PARD3: variants seen among roughly 807,000 people sequenced by gnomAD.
PARD3 encodes par-3 family cell polarity regulator.
In PARD3, 75 loss-of-function variants were observed where a neutral mutation model predicts 155.4. The ratio of observed to expected loss-of-function variants is 0.48; its 90% confidence interval spans 0.40 to 0.58. The LOEUF is 0.58. Ranked by LOEUF, PARD3 falls within the 20% of genes least tolerant of loss-of-function variation. PARD3 has a pLI of 0.00. For synonymous variants in PARD3, 576 were observed against 610.5 expected (o/e 0.94, Z 0.83); for missense variants, 1,642 against 1,721.7 (o/e 0.95, Z 0.82).
intron 20 of PARD3, among the ~76,000 whole-genome samples, chr10:34,312,094 G>A (rs1957730062): frequency 1.3e-5 from 2 of 151,968 alleles, no homozygotes; most frequent in African/African-American, 4.8e-5. Flanking sequence ...ATGAAAAGGG[G>A]CCAATAAAGA....
chr10:34,586,020 C>A (rs761421982), intron 2 of PARD3, among the ~76,000 whole-genome samples: 6 of 151,762 alleles, frequency 4.0e-5, no homozygotes, highest in Non-Finnish European at 8.8e-5. Context: ...AGATTTTTAT[C>A]AGTAATTTAA....
intron 3 of PARD3, among the ~76,000 whole-genome samples, chr10:34,511,733 CT>C (rs1418290639): frequency 3.3e-5 from 5 of 152,060 alleles, no homozygotes; most frequent in African/African-American, 9.7e-5. Flanking sequence ...GAATAGATTT[CT>C]TTTTTTCTTT....
chr10:34,544,484 G>T (rs2083888278), intron 2 of PARD3, among the ~76,000 whole-genome samples: 1 of 151,288 alleles, frequency 6.6e-6, no homozygotes, highest in African/African-American at 2.4e-5. Context: ...AAAAAGAAAG[G>T]GTTACATAAT....
At chr10:34,170,689 T>G (rs1949745617) in intron 22 of PARD3, among the ~76,000 whole-genome samples, 1 of 152,154 alleles carries the variant, frequency 6.6e-6, no homozygotes, top group African/African-American at 2.4e-5. Context: ...AAAGCCATCT[T>G]TCTAGATAAA....
At chr10:34,309,939 G>A (rs1957618388) in intron 20 of PARD3, among the ~76,000 whole-genome samples, 1 of 147,860 alleles carries the variant, frequency 6.8e-6, no homozygotes, top group Non-Finnish European at 1.5e-5. Flanking sequence ...GTTAATAGGA[G>A]ACCTGGTTAT....
intron 1 of PARD3, among the ~76,000 whole-genome samples, chr10:34,779,148 T>TA (rs1839941950): frequency 6.6e-6 from 1 of 150,930 alleles, no homozygotes; most frequent in Non-Finnish European, 1.5e-5. Context: ...CTGTCTCTAC[T>TA]AAAAATACAA....
chr10:34,308,667 T>C (rs1467322655), intron 20 of PARD3, among the ~76,000 whole-genome samples: 1 of 151,320 alleles, frequency 6.6e-6, no homozygotes, highest in East Asian at 1.9e-4. Flanking sequence ...TCCAAGTGAA[T>C]GTGTCAAGAA....
intron 22 of PARD3, among the ~76,000 whole-genome samples, chr10:34,145,221 A>ATATATTTTTTTT (rs1491430560): frequency 2.9e-5 from 1 of 33,970 alleles, no homozygotes; most frequent in African/African-American, 1.4e-4. Flanking sequence ...ATATATATAT[A>ATATATTTTTTTT]TTTTTTTTTT....
rs778876860 is a variant in PARD3, at chr10:34,131,508, T to C, written c.3495A>G (p.Glu1165=). Residue 1165 remains glutamate, a synonymous_variant, in exon 23 of 25, where the codon GAA becomes GAG. Coordinates refer to ENST00000374788, the MANE Select transcript of PARD3 (RefSeq NM_001184785.2). ...RQEFQQAKQD[E]DVEDRRRTYS... ...AGGTCCGCCGACGATCTTCTACATCTTCATCTTGCTTTGCTTGCTGAAATT... is the reference window on the plus strand; with the variant it reads ...AGGTCCGCCGACGATCTTCTACATCCTCATCTTGCTTTGCTTGCTGAAATT... 6.2e-7 allele frequency: 1 copy of C among 1,614,108 alleles called. No individual in the cohort carries two copies. The highest frequency in any genetic ancestry group is 8.5e-7 in the Non-Finnish European group (1 of 1,179,966).
chr10:34,401,726 A>C (rs1843902477), intron 6 of PARD3, 100 bp downstream of exon 6: 1 of 817,916 alleles, frequency 1.2e-6, no homozygotes, highest in East Asian at 2.4e-5. Context: ...TTTTTAACTA[A>C]GCACAAACAT....
At chr10:34,751,415 C>T (rs950735597) in intron 1 of PARD3, among the ~76,000 whole-genome samples, 3 of 152,100 alleles carry the variant, frequency 2.0e-5, no homozygotes, top group Non-Finnish European at 4.4e-5. Flanking sequence ...TCTGGGAAGG[C>T]CTCTAAGATT....
intron 3 of PARD3, among the ~76,000 whole-genome samples, chr10:34,509,190 T>G (rs776490357): frequency 1.7e-4 from 26 of 152,166 alleles, no homozygotes; most frequent in Non-Finnish European, 1.9e-4. Context: ...CCAACAGTTA[T>G]GTAGAATATC....
chr10:34,435,476 GA>G (rs1241181874), intron 5 of PARD3, among the ~76,000 whole-genome samples: 1 of 152,162 alleles, frequency 6.6e-6, no homozygotes, highest in Non-Finnish European at 1.5e-5. Flanking sequence ...AAGATAATGA[GA>G]ATACAAATTG....
At chr10:34,718,648 GACTCT>G (rs771273535) in intron 1 of PARD3, among the ~76,000 whole-genome samples, 8 of 150,550 alleles carry the variant, frequency 5.3e-5, no homozygotes, top group Admixed American at 3.3e-4. Context: ...AACACGACAA[GACTCT>G]ACTCTATCTC....
At chr10:34,697,730 A>G (rs1242135443) in intron 1 of PARD3, among the ~76,000 whole-genome samples, 1 of 151,378 alleles carries the variant, frequency 6.6e-6, no homozygotes, top group Non-Finnish European at 1.5e-5. Flanking sequence ...GAAAGGAATC[A>G]TTTATCTAGA....
chr10:34,750,147 G>A (rs1835811298), intron 1 of PARD3, among the ~76,000 whole-genome samples: 1 of 151,660 alleles, frequency 6.6e-6, no homozygotes, highest in African/African-American at 2.4e-5. Flanking sequence ...GGCAAAATGA[G>A]TCAAAGTCAT....
rs377290036 is a variant in PARD3 at position 34,317,304 on chromosome 10, C to T, written c.2868G>A (p.Gly956=). The change falls in exon 20 of 25, where the codon GGG becomes GGA. Residue 956 remains glycine, a synonymous_variant. Transcript: ENST00000374788. ...CACTGGCTGTGGATACAGACTCTCT[C>T]CCTGATCTTGAACTTTCTTCTGTGT... ...EEDTEESSRS[G]RESVSTASDQ... 538 of 1,611,110 alleles carry T rather than the reference C, an allele frequency of 3.3e-4. No individual in the cohort carries two copies. The highest frequency in any genetic ancestry group is 4.3e-4 in the Non-Finnish European group (512 of 1,179,332).
At chr10:34,776,610 G>T (rs994323652) in intron 1 of PARD3, among the ~76,000 whole-genome samples, 3 of 151,150 alleles carry the variant, frequency 2.0e-5, no homozygotes, top group African/African-American at 7.3e-5. Context: ...CTATATTTGG[G>T]GCCAGGAAGA....
intron 2 of PARD3, among the ~76,000 whole-genome samples, chr10:34,649,791 CATA>C (rs2092952208): frequency 1.3e-5 from 2 of 152,206 alleles, no homozygotes; most frequent in Non-Finnish European, 2.9e-5. Flanking sequence ...CTTTTTGACT[CATA>C]ATAACACTTG....
Sources: gnomAD v4.1 joint callset for allele counts (sites outside exome capture counted in the v4.1 genomes callset) on GRCh38, gnomAD v4.1.1 for gene constraint, MANE v1.5 for transcripts, NCBI Gene and HGNC (gene_info 2026-07-23, HGNC 2026-07-21) for gene names.